The following RPS6KA2 variants were observed in gnomAD, a reference collection of about 807,000 sequenced individuals.
RPS6KA2 encodes the protein ribosomal protein S6 kinase A2, also known as ribosomal protein S6 kinase alpha-2.
A neutral mutation model predicts 91.8 loss-of-function variants in RPS6KA2; 42 were observed. That is an observed-to-expected ratio of 0.46 (90% CI 0.36 to 0.59). The LOEUF (loss-of-function observed/expected upper bound fraction) is 0.59. Ranked by LOEUF, RPS6KA2 falls within the 20% of genes least tolerant of loss-of-function variation. The pLI is 0.00. For missense variants in RPS6KA2, 798 were observed against 978.5 expected (o/e 0.82, Z 2.46); for synonymous variants, 414 against 393.6 (o/e 1.05, Z -0.61).
At chr6:166,587,183 A>G (rs550971464) in intron 1 of RPS6KA2, among the ~76,000 whole-genome samples, 1 of 152,364 alleles carries the variant, frequency 6.6e-6, no homozygotes, top group Non-Finnish European at 1.5e-5. Context: ...GAACTCAGGG[A>G]AATATTTTCC....
chr6:166,537,485 G>A (rs1783518786), intron 2 of RPS6KA2, among the ~76,000 whole-genome samples: 2 of 152,162 alleles, frequency 1.3e-5, no homozygotes, highest in Admixed American at 1.3e-4. Flanking sequence ...AGACATTTTT[G>A]TAGGCCCAAA....
At chr6:166,809,193 T>C (rs1021887992) in intron 2 of RPS6KA2, among the ~76,000 whole-genome samples, 1 of 152,304 alleles carries the variant, frequency 6.6e-6, no homozygotes, top group Non-Finnish European at 1.5e-5. Context: ...TGTAGCACTA[T>C]GTGTAGCAGG....
At position 166,459,334 on chromosome 6, in the gene RPS6KA2, A is replaced by G. The variant is rs1393233075; in HGVS notation, c.1075+115T>C. 4.5e-6 allele frequency: 3 copies of G among 660,410 alleles called. No homozygotes were observed. The highest frequency in any genetic ancestry group is 3.6e-5 in the African/African-American group (2 of 55,252). The allele number at this position is 660,410 out of a possible 1,614,324, so 40.9% of individuals were successfully genotyped here. On this transcript the variant is annotated intron_variant, in intron 12 of 20. Transcript: ENST00000265678. This position sits in a 1 kb window ranked among gnomAD's most constrained non-coding sequence, Gnocchi z 4.9. ...AACAAAAAACCCAAACAGAATGGAC[A>G]GTTATTTTCCATGAAAAGAATTCTG...
chr6:166,491,133 A>G (rs1320929784), intron 8 of RPS6KA2, among the ~76,000 whole-genome samples: 2 of 152,152 alleles, frequency 1.3e-5, no homozygotes, highest in Non-Finnish European at 2.9e-5. Flanking sequence ...GAGGAGGAGG[A>G]GGAGAACAGC....
intron 1 of RPS6KA2, among the ~76,000 whole-genome samples, chr6:166,588,338 G>A (rs13215522): frequency 0.036 from 5,385 of 151,590 alleles, 156 homozygotes; most frequent in Non-Finnish European, 0.051. Context: ...TTTCCAGGTG[G>A]GGCCAGCGAG....
intron 2 of RPS6KA2, among the ~76,000 whole-genome samples, chr6:166,675,849 T>C (rs1263645758): frequency 1.3e-5 from 2 of 152,216 alleles, no homozygotes; most frequent in African/African-American, 4.8e-5. Flanking sequence ...GTGTCATATC[T>C]TCACAGTCTC....
intron 6 of RPS6KA2, among the ~76,000 whole-genome samples, chr6:166,501,420 C>T (rs953419467): frequency 2.0e-5 from 3 of 152,240 alleles, no homozygotes; most frequent in African/African-American, 4.8e-5. Context: ...CAGGTGAGGC[C>T]TGCACAAGCG....
intron 3 of RPS6KA2, among the ~76,000 whole-genome samples, chr6:166,512,114 C>T (rs888325423): frequency 6.6e-6 from 1 of 152,178 alleles, no homozygotes; most frequent in African/African-American, 2.4e-5. Context: ...CAAACACACA[C>T]ACACACACAA....
At chr6:166,690,560 C>T (rs917481675) in intron 2 of RPS6KA2, among the ~76,000 whole-genome samples, 11 of 152,312 alleles carry the variant, frequency 7.2e-5, no homozygotes, top group African/African-American at 2.2e-4. Context: ...CGAAGACACG[C>T]GTCGGAACTC....
chr6:166,708,853 A>T (rs1789764866), intron 2 of RPS6KA2, among the ~76,000 whole-genome samples: 1 of 152,200 alleles, frequency 6.6e-6, no homozygotes, highest in African/African-American at 2.4e-5. Flanking sequence ...TCCACCATTA[A>T]TTTTCATGGG....
At chr6:166,471,897 G>T (rs532367105) in intron 10 of RPS6KA2, among the ~76,000 whole-genome samples, 1 of 152,332 alleles carries the variant, frequency 6.6e-6, no homozygotes, top group East Asian at 1.9e-4. Flanking sequence ...CCAGGGATCT[G>T]ATCCCAGGCC....
At chr6:166,509,844 G>A (rs1042860366) in intron 4 of RPS6KA2, among the ~76,000 whole-genome samples, 3 of 152,162 alleles carry the variant, frequency 2.0e-5, no homozygotes, top group Non-Finnish European at 4.4e-5. Context: ...TAGAAGTTTT[G>A]AGGGTTCAAC....
rs1053964439 is a variant in RPS6KA2, at chr6:166,635,696, G to A, written c.124-96912C>T. ...AGGAAGAGCCCGGGAGGCTTTGGCA[G>A]GAGGATGCCATGAGCATCACCTGGG... On this transcript the variant is annotated intron_variant, in intron 2 of 21. Coordinates refer to the RPS6KA2 transcript ENST00000503859. This position sits in a 1 kb window ranked among gnomAD's most constrained non-coding sequence, Gnocchi z 4.8. Among the ~76,000 whole-genome samples the A allele has an allele frequency of 1.3e-5, 2 of 152,116 alleles. No homozygotes were observed. Among genetic ancestry groups the A allele is most frequent in the Admixed American group, 1.3e-4 (2 of 15,284 alleles).
chr6:166,831,532 C>CA (rs1185762853), intron 2 of RPS6KA2, among the ~76,000 whole-genome samples: 1 of 151,956 alleles, frequency 6.6e-6, no homozygotes, highest in African/African-American at 2.4e-5. Flanking sequence ...CACCTCTTCA[C>CA]AGGCTCCTTC....
intron 2 of RPS6KA2, among the ~76,000 whole-genome samples, chr6:166,725,553 G>A (rs1790311300): frequency 6.6e-6 from 1 of 152,234 alleles, no homozygotes; most frequent in Admixed American, 6.5e-5. Context: ...GCATCCCTGG[G>A]AGCCACCTCT....
Position 166,445,809 on chromosome 6 carries a change from G to T in RPS6KA2, c.1332+2915C>A, listed in dbSNP as rs4709114. On this transcript the variant is annotated intron_variant, in intron 14 of 20. Transcript: ENST00000265678. This position sits in a 1 kb window ranked among gnomAD's most constrained non-coding sequence, Gnocchi z 4.5. The stretch of plus-strand genomic sequence containing the variant: ...GCCAGGGGTAGGTGGGATCGTATAC[G>T]GCTCAAGCGGCAACTGGGAGTGGTA... Among the ~76,000 whole-genome samples, 5 of 152,168 alleles carry T rather than the reference G, an allele frequency of 3.3e-5. No individual in the cohort carries two copies. The highest frequency in any genetic ancestry group is 7.3e-5 in the Non-Finnish European group (5 of 68,030).
chr6:166,814,966 C>T (rs1042267240), intron 2 of RPS6KA2, among the ~76,000 whole-genome samples: 1 of 152,168 alleles, frequency 6.6e-6, no homozygotes, highest in Non-Finnish European at 1.5e-5. Context: ...ACCCCTCTTC[C>T]ACCACACCTG....
At chr6:166,743,922 AAC>A (rs1189882399) in intron 2 of RPS6KA2, among the ~76,000 whole-genome samples, 1 of 152,126 alleles carries the variant, frequency 6.6e-6, no homozygotes, top group Non-Finnish European at 1.5e-5. Context: ...TAGCAGCAGA[AAC>A]ACAGAGTGAG....
rs2128623159 is a variant in RPS6KA2 at position 166,821,025 on chromosome 6, G to A, written c.123+37175C>T. ...ATTTTATCACAGGGAGCCAAGGGCA[G>A]GGACAAGCAGGTGTCTTGGAATGAT... is the stretch of plus-strand genomic sequence containing the variant. On this transcript the variant is annotated intron_variant, in intron 2 of 21. Coordinates refer to the RPS6KA2 transcript ENST00000503859. The surrounding 1 kb of genome is among the most constrained non-coding windows in gnomAD (Gnocchi z 4.1). Among the ~76,000 whole-genome samples the A allele has an allele frequency of 6.6e-6, 1 of 152,296 alleles. No homozygotes were observed. The highest frequency in any genetic ancestry group is 2.1e-4 in the South Asian group (1 of 4,824).
Sources: allele counts gnomAD v4.1 joint callset (sites outside exome capture counted in the v4.1 genomes callset), GRCh38; gene constraint gnomAD v4.1.1; non-coding constraint Gnocchi (gnomAD v3.1); transcripts MANE v1.5; gene names NCBI Gene and HGNC (gene_info 2026-07-23, HGNC 2026-07-21).